LUZP2: variants seen among roughly 807,000 people sequenced by gnomAD.
The protein encoded by LUZP2 is leucine zipper protein 2.
A neutral mutation model predicts 51.6 loss-of-function variants in LUZP2; 52 were observed. The observed-to-expected ratio is 1.01, with a 90% CI of 0.81 to 1.27. The LOEUF is 1.27. LUZP2 is among the 50% of genes most tolerant of loss of function. The probability of loss-of-function intolerance (pLI) is 0.00; values close to 1 mark genes in which losing one functional copy is unlikely to be tolerated. For missense variants in LUZP2, 436 were observed against 395.4 expected (o/e 1.10, Z -0.87); for synonymous variants, 154 against 137.3 (o/e 1.12, Z -0.85).
At chr11:24,904,446 C>A (rs1228361490) in intron 5 of LUZP2, among the ~76,000 whole-genome samples, 1 of 152,052 alleles carries the variant, frequency 6.6e-6, no homozygotes, top group African/African-American at 2.4e-5. Flanking sequence ...CCACGCCCGG[C>A]TAATTTTTTT....
rs1287721771 is a variant in LUZP2, at chr11:24,806,920, C to CA, written c.396+43618dup. Among the ~76,000 whole-genome samples, 7 of 129,760 alleles carry CA rather than the reference C, an allele frequency of 5.4e-5. No individual in the cohort carries two copies. The Admixed American group carries it at 5.8e-4, about 11-fold the overall frequency. 85.1% of individuals were successfully genotyped at this position (129,760 alleles called of 152,430 possible). Reference sequence around the variant, plus strand: ...GGATAGGGGATGACAAAAAAAAAATCAAAAAATTAGAAAATGAAGTAGAAA... The same window carrying CA: ...GGATAGGGGATGACAAAAAAAAAATCAAAAAAATTAGAAAATGAAGTAGAAA... On this transcript the variant is annotated intron_variant, in intron 5 of 11. Coordinates refer to ENST00000336930, the MANE Select transcript of LUZP2 (RefSeq NM_001009909.4).
chr11:24,601,958 A>G (rs112268273), intron 1 of LUZP2, among the ~76,000 whole-genome samples: 80,354 of 136,296 alleles, frequency 0.59, 25,169 homozygotes, highest in East Asian at 0.75. Flanking sequence ...ATAAATGTAT[A>G]TATGTATATA....
intron 1 of LUZP2, among the ~76,000 whole-genome samples, chr11:24,563,273 T>C (rs986340959): frequency 3.3e-5 from 5 of 152,198 alleles, no homozygotes; most frequent in African/African-American, 2.4e-5. Context: ...ACATGCTTTA[T>C]ATTAAGAACC....
chr11:24,515,566 C>T (rs985289696), intron 1 of LUZP2, among the ~76,000 whole-genome samples: 3 of 151,916 alleles, frequency 2.0e-5, no homozygotes, highest in Admixed American at 6.6e-5. Flanking sequence ...GTAAAGTTTC[C>T]CAGCTCTGGG....
intron 7 of LUZP2, among the ~76,000 whole-genome samples, chr11:24,971,879 C>G (rs1333504319): frequency 6.6e-6 from 1 of 152,002 alleles, no homozygotes; most frequent in African/African-American, 2.4e-5. Context: ...GTGGCTCATG[C>G]TTGTAATCCC....
intron 7 of LUZP2, among the ~76,000 whole-genome samples, chr11:24,958,664 G>T (rs1855287953): frequency 6.6e-6 from 1 of 152,092 alleles, no homozygotes; most frequent in Non-Finnish European, 1.5e-5. Flanking sequence ...CCCTTTGTCA[G>T]ATGAGTAGGT....
intron 9 of LUZP2, among the ~76,000 whole-genome samples, chr11:25,047,251 A>C (rs1036657696): frequency 2.6e-5 from 4 of 152,024 alleles, no homozygotes; most frequent in Admixed American, 6.6e-5. Flanking sequence ...TGGTTATGGG[A>C]AGACAGGTGG....
chr11:24,610,490 T>A (rs1854082703), intron 1 of LUZP2, among the ~76,000 whole-genome samples: 1 of 152,182 alleles, frequency 6.6e-6, no homozygotes, highest in African/African-American at 2.4e-5. Context: ...AATGATTGAA[T>A]GAACAAGTGA....
chr11:24,915,024 T>C (rs1045688165), intron 7 of LUZP2, among the ~76,000 whole-genome samples: 14 of 152,158 alleles, frequency 9.2e-5, no homozygotes, highest in African/African-American at 2.2e-4. Flanking sequence ...TCAGGACTTG[T>C]TGAAAATTTT....
chr11:24,717,656 C>A (rs547528251), intron 1 of LUZP2, among the ~76,000 whole-genome samples: 1 of 151,792 alleles, frequency 6.6e-6, no homozygotes, highest in Non-Finnish European at 1.5e-5. Flanking sequence ...ACCTCGTGAT[C>A]CACCTGCCTC....
At chr11:24,522,006 C>G (rs946316863) in intron 1 of LUZP2, among the ~76,000 whole-genome samples, 8 of 151,936 alleles carry the variant, frequency 5.3e-5, no homozygotes, top group Non-Finnish European at 8.8e-5. Context: ...ATAGGGAAAC[C>G]TGTTTTGAAT....
At position 24,945,666 on chromosome 11, in the gene LUZP2, C is replaced by G. The variant is rs527443750; in HGVS notation, c.523-30925C>G. On this transcript the variant is annotated intron_variant, in intron 7 of 11. Coordinates refer to ENST00000336930, the MANE Select transcript of LUZP2 (RefSeq NM_001009909.4). ...ATCTATATCTTCAGTCTTATCAGCA[C>G]TGAACATTGGATAATAGAGGTGTTA... Among the ~76,000 whole-genome samples the G allele has an allele frequency of 2.0e-5, 3 of 152,160 alleles. No homozygotes were observed. In the East Asian group the frequency reaches 5.8e-4, roughly 29 times the overall value.
chr11:24,535,369 T>G (rs1851145917), intron 1 of LUZP2, among the ~76,000 whole-genome samples: 1 of 151,606 alleles, frequency 6.6e-6, no homozygotes, highest in Non-Finnish European at 1.5e-5. Flanking sequence ...TACTATTTTA[T>G]AGCATTATAC....
chr11:24,979,628 G>A (rs1323369101), intron 8 of LUZP2, among the ~76,000 whole-genome samples: 1 of 151,714 alleles, frequency 6.6e-6, no homozygotes, highest in East Asian at 1.9e-4. Context: ...ATAATATCAA[G>A]AGCTAAGAAT....
At chr11:24,619,574 T>C (rs1253949181) in intron 1 of LUZP2, among the ~76,000 whole-genome samples, 2 of 152,128 alleles carry the variant, frequency 1.3e-5, no homozygotes, top group Non-Finnish European at 2.9e-5. Flanking sequence ...TAGGAAAAAG[T>C]AGTAGTATAA....
At chr11:24,601,882 ATATATG>A (rs1480749135) in intron 1 of LUZP2, among the ~76,000 whole-genome samples, 15 of 26,030 alleles carry the variant, frequency 5.8e-4, no homozygotes, top group Non-Finnish European at 2.6e-3. Flanking sequence ...GTATACATGT[ATATATG>A]TATATATGTA....
intron 4 of LUZP2, among the ~76,000 whole-genome samples, chr11:24,743,505 T>G (rs1859263634): frequency 6.6e-6 from 1 of 152,112 alleles, no homozygotes; most frequent in Non-Finnish European, 1.5e-5. Flanking sequence ...GCTGTTGGTG[T>G]AGAGAAGAGC....
At chr11:24,761,143 T>C (rs1859963305) in intron 4 of LUZP2, among the ~76,000 whole-genome samples, 1 of 152,078 alleles carries the variant, frequency 6.6e-6, no homozygotes, top group Non-Finnish European at 1.5e-5. Context: ...GGGTAATTTA[T>C]AAAGAAAAAA....
intron 1 of LUZP2, among the ~76,000 whole-genome samples, chr11:24,607,479 T>C (rs1853967632): frequency 6.6e-6 from 1 of 151,412 alleles, no homozygotes; most frequent in Non-Finnish European, 1.5e-5. Flanking sequence ...ATGGCTTTAC[T>C]CTGGACTTTT....
Sources: gnomAD v4.1 joint callset for allele counts (sites outside exome capture counted in the v4.1 genomes callset) on GRCh38, gnomAD v4.1.1 for gene constraint, MANE v1.5 for transcripts, NCBI Gene and HGNC (gene_info 2026-07-23, HGNC 2026-07-21) for gene names.